The following PAOX variants were observed in gnomAD, a reference collection of about 807,000 sequenced individuals.
PAOX encodes peroxisomal N(1)-acetyl-spermine/spermidine oxidase.
Under a neutral mutation model 39.0 loss-of-function variants are expected in PAOX, and 38 were observed. That is an observed-to-expected ratio of 0.97 (90% CI 0.75 to 1.28). The LOEUF is 1.28. Among genes scored for constraint, PAOX ranks in the 50% most tolerant of loss-of-function variants. The probability of loss-of-function intolerance (pLI) is 0.00; values close to 1 mark genes in which losing one functional copy is unlikely to be tolerated. For synonymous variants in PAOX, 311 were observed against 314.4 expected, an observed-to-expected ratio of 0.99 and a Z score of 0.11; for missense variants, 667 against 685.7, an observed-to-expected ratio of 0.97 and a Z score of 0.30.
intron 6 of PAOX, chr10:133,390,756 C>G (rs1849652647): frequency 1.7e-6 from 1 of 577,752 alleles, no homozygotes; most frequent in Non-Finnish European, 3.1e-6. Context: ...TCAGGTGTTA[C>G]TAATTGACTT....
chr10:133,383,270 A>T (rs1849442443), intron 3 of PAOX, among the ~76,000 whole-genome samples: 2 of 152,202 alleles, frequency 1.3e-5, no homozygotes, highest in South Asian at 4.1e-4. Context: ...GGTGGCCTTC[A>T]CTTTTTCTAT....
chr10:133,381,404 A>T, intron 2 of PAOX, 56 bp from the exon 3 acceptor site: 1 of 1,546,650 alleles, frequency 6.5e-7, no homozygotes, highest in Non-Finnish European at 8.9e-7. Context: ...TATTTCCACC[A>T]GTCCTGCCCT....
chr10:133,389,541 A>G, intron 5 of PAOX, 49 bp from the exon 6 acceptor site: 1 of 1,610,484 alleles, frequency 6.2e-7, no homozygotes, highest in East Asian at 2.2e-5. Context: ...ACAGTTGCAG[A>G]CCTGTGGGTG....
At position 133,387,487 on chromosome 10, in the gene PAOX, A is replaced by G. The variant is rs903077534; in HGVS notation, c.1122-1469A>G. ...GAGAGCTTAAACTTTGTCATTGTCT[A>G]TAAATACTATTTGTTAGTTGTTTTC... is the stretch of plus-strand genomic sequence containing the variant. On this transcript the variant is annotated intron_variant, in intron 4 of 6. Transcript: ENST00000278060. 2.0e-5 allele frequency among the ~76,000 whole-genome samples: 3 copies of G among 152,216 alleles called. No homozygotes were observed. The South Asian group carries it at 6.2e-4, about 32-fold the overall frequency.
chr10:133,380,050 A>G lies in PAOX; in HGVS notation c.233A>G (p.Asn78Ser). The G allele has an allele frequency of 6.6e-7, 1 of 1,525,496 alleles. No individual in the cohort carries two copies. The highest frequency in any genetic ancestry group is 8.8e-7 in the Non-Finnish European group (1 of 1,140,072). The allele number at this position is 1,525,496 out of a possible 1,614,324, so 94.5% of individuals were successfully genotyped here. A position where few individuals can be genotyped will look rare whatever the true frequency, so the allele number is the denominator to read the frequency against. Residue 78 changes from asparagine (N) to serine (S), a missense_variant, in exon 2 of 7, where the codon AAC becomes AGC. Physicochemically the swap from Asn to Ser is conservative, Grantham distance 46. Coordinates refer to ENST00000278060, the MANE Select transcript of PAOX (RefSeq NM_152911.4). The part of the protein sequence containing the change: ...AHWIHGPSRG[N>S]PVFQLAAEYG... ...TGGATCCATGGGCCCTCCCGGGGTA[A>G]CCCCGTCTTCCAGCTGGCTGCTGAG...
In PAOX at chr10:133,386,086, G is replaced by A. The variant is rs368376838; in HGVS notation, c.1121+1874G>A. On this transcript the variant is annotated intron_variant, in intron 4 of 6. Coordinates refer to ENST00000278060, the MANE Select transcript of PAOX (RefSeq NM_152911.4). Reference sequence around the variant, plus strand: ...GCTGGAATGCATGGAATGCAGTGGCGTGATCTCAGCTCACTGCAACCTCTG... The same window carrying A: ...GCTGGAATGCATGGAATGCAGTGGCATGATCTCAGCTCACTGCAACCTCTG... Among the ~76,000 whole-genome samples, 12 of 149,646 alleles carry A rather than the reference G, an allele frequency of 8.0e-5. 1 individual carries two copies. Among genetic ancestry groups the A allele is most frequent in the African/African-American group, 2.7e-4 (11 of 40,714 alleles).
intron 6 of PAOX, chr10:133,390,732 T>G (rs1849652270): frequency 3.5e-6 from 2 of 563,660 alleles, no homozygotes; most frequent in Non-Finnish European, 6.3e-6. Flanking sequence ...ATGTTGCTTC[T>G]TGAGTTTTCA....
Position 133,379,400 on chromosome 10 carries a change from G to A in PAOX, c.84G>A (p.Ala28=), listed in dbSNP as rs540848911. The change falls in exon 1 of 7, where the codon GCG becomes GCA. Residue 28 remains alanine, a synonymous_variant. Coordinates refer to ENST00000278060, the MANE Select transcript of PAOX (RefSeq NM_152911.4). ...GCGGCGGCATCGCGGGGCTGGGCGC[G>A]GCGCAGAGGCTCTGCGGCCACTCCG... ...VVGGGIAGLG[A]AQRLCGHSAF... 3.3e-5 allele frequency: 40 copies of A among 1,222,376 alleles called. No homozygotes were observed. The African/African-American group carries it at 5.0e-4, about 15-fold the overall frequency. 75.7% of individuals were successfully genotyped at this position (1,222,376 alleles called of 1,614,324 possible).
At position 133,384,844 on chromosome 10, in the gene PAOX, G is replaced by T. The variant is rs1265249182; in HGVS notation, c.1121+632G>T. 5.3e-5 allele frequency among the ~76,000 whole-genome samples: 8 copies of T among 152,210 alleles called. No individual in the cohort carries two copies. Among genetic ancestry groups the T allele is most frequent in the Non-Finnish European group, 1.2e-4 (8 of 68,038 alleles). ...GAGATGCCGCAGGAGGGGGCACCAAGTTCTTGTTCTGAAAGACCCGGGATG... is the reference window on the plus strand; with the variant it reads ...GAGATGCCGCAGGAGGGGGCACCAATTTCTTGTTCTGAAAGACCCGGGATG... On this transcript the variant is annotated intron_variant, in intron 4 of 6. Transcript: ENST00000278060. This position sits in a 1 kb window ranked among gnomAD's most constrained non-coding sequence, Gnocchi z 4.3.
At chr10:133,382,300 C>G (rs1188870012) in intron 3 of PAOX, among the ~76,000 whole-genome samples, 2 of 151,248 alleles carry the variant, frequency 1.3e-5, no homozygotes, top group Non-Finnish European at 2.9e-5. Context: ...TGCCCAAGTT[C>G]ACAAAGCTAG....
intron 3 of PAOX, 93 bp downstream of exon 3, chr10:133,381,752 A>G: frequency 9.9e-6 from 13 of 1,313,862 alleles, no homozygotes; most frequent in Non-Finnish European, 1.3e-5. Flanking sequence ...TTGCTTGTGT[A>G]CGAAGCTCAC....
intron 1 of PAOX, 75 bp from the exon 2 acceptor site, chr10:133,379,924 G>T (rs1589889583): frequency 6.7e-7 from 1 of 1,486,520 alleles, no homozygotes; most frequent in East Asian, 2.3e-5. Context: ...CAGCGTGGGC[G>T]TGGCCCAGGA....
At chr10:133,385,499 C>G (rs1227671958) in intron 4 of PAOX, among the ~76,000 whole-genome samples, 1 of 152,012 alleles carries the variant, frequency 6.6e-6, no homozygotes, top group Non-Finnish European at 1.5e-5. Flanking sequence ...CTGTCCCATC[C>G]TTTTATATAC....
intron 5 of PAOX, among the ~76,000 whole-genome samples, chr10:133,389,292 C>A (rs980513205): frequency 6.6e-6 from 1 of 152,162 alleles, no homozygotes. Flanking sequence ...AAATAAATGC[C>A]GTTGTCCTTG....
chr10:133,391,489 G>A lies in PAOX; in HGVS notation c.*34G>A, dbSNP rs1342844876. 1 of 1,573,728 alleles carries A rather than the reference G, an allele frequency of 6.4e-7. No individual in the cohort carries two copies. Among genetic ancestry groups the A allele is most frequent in the African/African-American group, 1.4e-5 (1 of 73,400 alleles). ...AGCCTACTCTGTTCCACCCGTGTCG[G>A]GGGTAGGCTGGGACCCTCATTTCTT... On this transcript the variant is annotated 3_prime_UTR_variant, in exon 7 of 7. Coordinates refer to ENST00000278060, the MANE Select transcript of PAOX (RefSeq NM_152911.4).
At chr10:133,382,105 A>ATC (rs922810238) in intron 3 of PAOX, among the ~76,000 whole-genome samples, 2 of 152,112 alleles carry the variant, frequency 1.3e-5, no homozygotes, top group African/African-American at 4.8e-5. Context: ...AAAGGTGGAG[A>ATC]TGGTTGAAAA....
At chr10:133,382,791 A>C (rs892242516) in intron 3 of PAOX, 3 of 151,372 alleles carry the variant, frequency 2.0e-5, no homozygotes, top group African/African-American at 4.9e-5. Context: ...CAGAAAAAAA[A>C]AAAAACCAAA....
At position 133,389,764 on chromosome 10, in the gene PAOX, A is replaced by C. The variant is rs1849626527; in HGVS notation, c.1392+17A>C. On this transcript the variant is annotated intron_variant, in intron 6 of 6. Coordinates refer to ENST00000278060, the MANE Select transcript of PAOX (RefSeq NM_152911.4). ...GGCGCCCAGGTATGTGGCGTGCCCCAGTCGGGGGGCGTGGGTCCCGCTGCA... is the reference window on the plus strand; with the variant it reads ...GGCGCCCAGGTATGTGGCGTGCCCCCGTCGGGGGGCGTGGGTCCCGCTGCA... 3 of 1,463,450 alleles carry C rather than the reference A, an allele frequency of 2.0e-6. No individual in the cohort carries two copies. In the African/African-American group the frequency reaches 4.4e-5, roughly 21 times the overall value. The allele number at this position is 1,463,450 out of a possible 1,614,324, so 90.7% of individuals were successfully genotyped here.
rs1027693363 is a variant in PAOX at position 133,379,461 on chromosome 10, C to G, written c.145C>G (p.Arg49Gly). The G allele has an allele frequency of 1.5e-5, 18 of 1,225,668 alleles. No individual in the cohort carries two copies. Among genetic ancestry groups the G allele is most frequent in the Non-Finnish European group, 1.8e-5 (18 of 984,122 alleles). 75.9% of individuals were successfully genotyped at this position (1,225,668 alleles called of 1,614,324 possible). A position where few individuals can be genotyped will look rare whatever the true frequency, so the allele number is the denominator to read the frequency against. ...PHLRVLEATA[R>G]AGGRIRSERC... Reference sequence around the variant, plus strand: ...CCTGCGGGTCCTGGAGGCCACGGCCCGCGCCGGGGGCCGCATCCGCTCGGA... The same window carrying G: ...CCTGCGGGTCCTGGAGGCCACGGCCGGCGCCGGGGGCCGCATCCGCTCGGA... The change falls in exon 1 of 7, where the codon CGC (arginine) becomes GGC (glycine). Residue 49 changes from arginine to glycine, a missense_variant. Arg to Gly is a moderately radical substitution (Grantham distance 125, BLOSUM62 -2). Transcript: ENST00000278060.
Sources: gnomAD v4.1 joint callset for allele counts (sites outside exome capture counted in the v4.1 genomes callset) on GRCh38, gnomAD v4.1.1 for gene constraint, Gnocchi (gnomAD v3.1) non-coding constraint, MANE v1.5 for transcripts, NCBI Gene and HGNC (gene_info 2026-07-23, HGNC 2026-07-21) for gene names.